PLEKHG7: variants seen among roughly 807,000 people sequenced by gnomAD.
PLEKHG7 encodes the protein pleckstrin homology domain-containing family G member 7.
PLEKHG7 carries 77 observed loss-of-function variants against 85.2 expected under a neutral mutation model. That is an observed-to-expected ratio of 0.90 (90% confidence interval 0.75 to 1.09). The LOEUF (loss-of-function observed/expected upper bound fraction) is 1.09. PLEKHG7 is among the 50% of genes least tolerant of loss of function. The pLI is 0.00. For synonymous variants in PLEKHG7, 301 were observed against 302.4 expected (o/e 1.00, Z 0.05); for missense variants, 777 against 804.3 (o/e 0.97, Z 0.41).
At chr12:92,766,252 G>T (rs562720212) in intron 15 of PLEKHG7, among the ~76,000 whole-genome samples, 95 of 152,264 alleles carry the variant, frequency 6.2e-4, no homozygotes, top group Middle Eastern at 6.8e-3. Context: ...ATAGTAGAGG[G>T]CATCCTGTGC....
chr12:92,727,311 G>A (rs1287785753), intron 3 of PLEKHG7, among the ~76,000 whole-genome samples: 4 of 152,040 alleles, frequency 2.6e-5, no homozygotes, highest in Admixed American at 1.3e-4. Context: ...TTTGTTCCAC[G>A]GGTATATTGC....
In PLEKHG7 at chr12:92,729,056, G is replaced by A. The variant is rs1348799587; in HGVS notation, c.594G>A (p.Gly198=). Residue 198 remains glycine, a synonymous_variant, in exon 4 of 17, where the codon GGG becomes GGA. Transcript: ENST00000344636. ...TACCTGGACTTGAGGTGTTCCCCGG[G>A]GACCTTCTGGTGTCAGATGGAGCTG... ...LNLPGLEVFP[G]DLLVSDGAAD... is the part of the protein sequence containing the mutation. 8.1e-6 allele frequency: 10 copies of A among 1,231,720 alleles called. No homozygotes were observed. The highest frequency in any genetic ancestry group is 6.3e-5 in the East Asian group (2 of 31,692). The allele number at this position is 1,231,720 out of a possible 1,614,324, so 76.3% of individuals were successfully genotyped here. A position where few individuals can be genotyped will look rare whatever the true frequency, so the allele number is the denominator to read the frequency against.
intron 3 of PLEKHG7, among the ~76,000 whole-genome samples, chr12:92,720,474 C>A (rs1006637137): frequency 6.6e-6 from 1 of 152,056 alleles, no homozygotes; most frequent in Non-Finnish European, 1.5e-5. Flanking sequence ...TACAGGCGTG[C>A]GCCACCACAT....
In PLEKHG7 at chr12:92,722,818, G is replaced by A. The variant is rs555088366; in HGVS notation, c.531-6175G>A. On this transcript the variant is annotated intron_variant, in intron 3 of 16. Transcript: ENST00000344636. ...AGTATTTCGATCTATAGGTCAACATGTCTATTTATTCAACAAGCTTATCTG... is the reference window on the plus strand; with the variant it reads ...AGTATTTCGATCTATAGGTCAACATATCTATTTATTCAACAAGCTTATCTG... Among the ~76,000 whole-genome samples, 8 of 152,310 alleles carry A rather than the reference G, an allele frequency of 5.3e-5. No homozygotes were observed. In the East Asian group the frequency reaches 1.5e-3, roughly 29 times the overall value.
At chr12:92,768,686 G>C (rs894829086) in intron 15 of PLEKHG7, among the ~76,000 whole-genome samples, 8 of 152,074 alleles carry the variant, frequency 5.3e-5, no homozygotes, top group African/African-American at 1.9e-4. Flanking sequence ...TGTTTAGCTT[G>C]TTCTACGAGC....
intron 6 of PLEKHG7, 71 bp downstream of exon 6, chr12:92,736,648 G>T: frequency 1.0e-6 from 1 of 982,096 alleles, no homozygotes; most frequent in Non-Finnish European, 1.3e-6. Flanking sequence ...GGGAAGGTCG[G>T]GTCAGTATTT....
intron 14 of PLEKHG7, among the ~76,000 whole-genome samples, chr12:92,762,384 T>A (rs1005679866): frequency 7.9e-5 from 12 of 152,218 alleles, no homozygotes; most frequent in African/African-American, 2.9e-4. Context: ...ATATAAAAAG[T>A]GTAGAAGCCA....
intron 3 of PLEKHG7, among the ~76,000 whole-genome samples, chr12:92,712,232 G>C (rs1187910504): frequency 6.6e-6 from 1 of 152,184 alleles, no homozygotes; most frequent in Non-Finnish European, 1.5e-5. Flanking sequence ...AAGCGATCAA[G>C]GTCTCTCCGA....
chr12:92,761,834 A>C lies in PLEKHG7; in HGVS notation c.1716+3A>C. 1 of 1,572,208 alleles carries C rather than the reference A, an allele frequency of 6.4e-7. No homozygotes were observed. The highest frequency in any genetic ancestry group is 8.6e-7 in the Non-Finnish European group (1 of 1,165,944). On this transcript the variant is annotated splice_donor_region_variant and intron_variant, in intron 14 of 16. Coordinates refer to ENST00000344636, the MANE Select transcript of PLEKHG7 (RefSeq NM_001377329.1). ...CGAAAACTAAGTGCAACAAAAAGGT[A>C]AAATGCTGCTATTTCAAAGTACGTT...
chr12:92,761,309 G>A (rs959085764), intron 13 of PLEKHG7, among the ~76,000 whole-genome samples: 7 of 151,978 alleles, frequency 4.6e-5, no homozygotes, highest in Non-Finnish European at 8.8e-5. Flanking sequence ...ATTTACCCTC[G>A]GCTGAGTTGA....
At chr12:92,753,391 G>C (rs138710028) in intron 10 of PLEKHG7, among the ~76,000 whole-genome samples, 89 of 152,224 alleles carry the variant, frequency 5.8e-4, no homozygotes, top group African/African-American at 2.0e-3. Context: ...TGTTTACTCA[G>C]GTTTCTCAAA....
At chr12:92,713,948 T>C (rs1345803524) in intron 3 of PLEKHG7, among the ~76,000 whole-genome samples, 1 of 152,224 alleles carries the variant, frequency 6.6e-6, no homozygotes, top group East Asian at 1.9e-4. Flanking sequence ...CAACTCTATG[T>C]TCCTTCCACC....
intron 10 of PLEKHG7, among the ~76,000 whole-genome samples, chr12:92,752,655 C>T (rs886549477): frequency 1.3e-5 from 2 of 152,164 alleles, no homozygotes; most frequent in Admixed American, 6.5e-5. Flanking sequence ...AGGATTTAAC[C>T]TGGAGAATGA....
chr12:92,751,756 C>G (rs554087031), intron 10 of PLEKHG7, among the ~76,000 whole-genome samples: 2 of 152,222 alleles, frequency 1.3e-5, no homozygotes, highest in Non-Finnish European at 2.9e-5. Context: ...GGTACTATGG[C>G]TCACACCTGT....
Position 92,763,887 on chromosome 12 carries a change from T to A in PLEKHG7, c.1717-154T>A, listed in dbSNP as rs1873108255. Among the ~76,000 whole-genome samples, 3 of 152,110 alleles carry A rather than the reference T, an allele frequency of 2.0e-5. No homozygotes were observed. In the South Asian group the frequency reaches 6.2e-4, roughly 32 times the overall value. ...TATAAATCACTATGCTTTGGGGAAA[T>A]GCTTTTCAAGATCCAGAAAGAGTAG... On this transcript the variant is annotated intron_variant, in intron 14 of 16. Coordinates refer to ENST00000344636, the MANE Select transcript of PLEKHG7 (RefSeq NM_001377329.1).
At chr12:92,752,766 A>G (rs543024348) in intron 10 of PLEKHG7, among the ~76,000 whole-genome samples, 89 of 152,306 alleles carry the variant, frequency 5.8e-4, no homozygotes, top group African/African-American at 2.0e-3. Flanking sequence ...CTGCTAGAAC[A>G]ACACACCATA....
chr12:92,761,675 A>T (rs1873034384), intron 13 of PLEKHG7, 77 bp from the exon 14 acceptor site: 4 of 1,287,808 alleles, frequency 3.1e-6, no homozygotes, highest in Non-Finnish European at 4.0e-6. Context: ...AGAAAGAAAG[A>T]AAGAAAGAAA....
chr12:92,743,890 C>G (rs1409129324), intron 9 of PLEKHG7, among the ~76,000 whole-genome samples: 1 of 152,124 alleles, frequency 6.6e-6, no homozygotes, highest in African/African-American at 2.4e-5. Context: ...TGGCTTCTAA[C>G]CAGTTACCTC....
chr12:92,730,700 G>A (rs1362597423), intron 4 of PLEKHG7, among the ~76,000 whole-genome samples: 16 of 152,242 alleles, frequency 1.1e-4, no homozygotes, highest in African/African-American at 2.7e-4. Context: ...GATTACAGGC[G>A]CAAGCCGCTG....
Sources: gnomAD v4.1 joint callset for allele counts (sites outside exome capture counted in the v4.1 genomes callset) on GRCh38, gnomAD v4.1.1 for gene constraint, MANE v1.5 for transcripts, NCBI Gene and HGNC (gene_info 2026-07-23, HGNC 2026-07-21) for gene names.